The following ARL13B variants were observed in gnomAD, a reference collection of about 807,000 sequenced individuals.
ARL13B encodes ADP-ribosylation factor-like protein 13B.
ARL13B carries 36 observed loss-of-function variants against 56.1 expected under a neutral mutation model. The ratio of observed to expected loss-of-function variants is 0.64; its 90% CI spans 0.49 to 0.85. ARL13B has a LOEUF of 0.85. ARL13B is among the 40% of genes least tolerant of loss of function. The pLI is 0.00. For synonymous variants in ARL13B, 178 were observed against 171.1 expected, an observed-to-expected ratio of 1.04 and a Z score of -0.32; for missense variants, 519 against 507.1, an observed-to-expected ratio of 1.02 and a Z score of -0.23.
chr3:94,019,585 C>T (rs1211220973), intron 3 of ARL13B, among the ~76,000 whole-genome samples: 1 of 151,162 alleles, frequency 6.6e-6, no homozygotes, highest in African/African-American at 2.4e-5. Context: ...CCCCATCCTG[C>T]CCCCACCACA....
intron 3 of ARL13B, among the ~76,000 whole-genome samples, chr3:94,009,588 G>A (rs539687174): frequency 2.0e-5 from 3 of 151,936 alleles, no homozygotes; most frequent in Admixed American, 6.6e-5. Context: ...ATGGAATTAC[G>A]GTCTGCCTAT....
chr3:94,021,942 T>C (rs550466760), intron 3 of ARL13B, among the ~76,000 whole-genome samples: 114 of 152,260 alleles, frequency 7.5e-4, no homozygotes, highest in African/African-American at 2.7e-3. Context: ...TCAAGTCATG[T>C]CAAGGCTTCT....
intron 1 of ARL13B, among the ~76,000 whole-genome samples, chr3:93,989,685 A>G (rs1267246800): frequency 6.6e-6 from 1 of 151,648 alleles, no homozygotes; most frequent in African/African-American, 2.4e-5. Flanking sequence ...TTATTATCCT[A>G]TTTCATTCAT....
intron 4 of ARL13B, 40 bp downstream of exon 4, chr3:94,035,476 CTTTCAAA>C (rs2076752562): frequency 7.4e-7 from 1 of 1,359,422 alleles, no homozygotes; most frequent in Non-Finnish European, 1.0e-6. Context: ...ATTTTTTGTC[CTTTCAAA>C]TAGGTTCAGT....
chr3:94,046,996 A>ACATCC (rs533001241), intron 7 of ARL13B, among the ~76,000 whole-genome samples: 1 of 152,154 alleles, frequency 6.6e-6, no homozygotes, highest in East Asian at 1.9e-4. Flanking sequence ...ATATACGTTA[A>ACATCC]GTTATGTAAC....
Position 94,003,888 on chromosome 3 carries a change from A to T in ARL13B, c.360A>T (p.Ile120=). 6.2e-7 allele frequency: 1 copy of T among 1,613,364 alleles called. No individual in the cohort carries two copies. Among genetic ancestry groups the T allele is most frequent in the Non-Finnish European group, 8.5e-7 (1 of 1,179,554 alleles). ...CAGAAATGCTAAGACATCCTAGGAT[A>T]TCGGGAAAGCCTATATTGGTGTAAG... ...AMSEMLRHPR[I]SGKPILVLAN... The change falls in exon 3 of 10, where the codon ATA becomes ATT. Residue 120 remains isoleucine, a synonymous_variant. Coordinates refer to ENST00000394222, the MANE Select transcript of ARL13B (RefSeq NM_001174150.2).
intron 6 of ARL13B, among the ~76,000 whole-genome samples, chr3:94,041,421 G>A (rs539868772): frequency 8.3e-4 from 127 of 152,118 alleles, no homozygotes; most frequent in South Asian, 1.7e-3. Flanking sequence ...ACTTAAATAC[G>A]TTTTAAAAAG....
intron 6 of ARL13B, among the ~76,000 whole-genome samples, chr3:94,040,455 T>C (rs1214177572): frequency 6.6e-6 from 1 of 152,206 alleles, no homozygotes; most frequent in Non-Finnish European, 1.5e-5. Context: ...CTCCTATATC[T>C]GAATATCATT....
At chr3:94,022,475 G>T (rs12492553) in intron 3 of ARL13B, among the ~76,000 whole-genome samples, 51,877 of 151,810 alleles carry the variant, frequency 0.34, 10,895 homozygotes, top group East Asian at 0.55. Context: ...GGAAGATGTG[G>T]ATTTAATCTT....
chr3:93,992,782 T>C (rs1195674843), intron 1 of ARL13B, among the ~76,000 whole-genome samples: 1 of 152,046 alleles, frequency 6.6e-6, no homozygotes, highest in South Asian at 2.1e-4. Flanking sequence ...AAAATATTTA[T>C]TTTATCATTG....
chr3:94,006,378 A>G (rs2076135436), intron 3 of ARL13B, among the ~76,000 whole-genome samples: 1 of 152,100 alleles, frequency 6.6e-6, no homozygotes, highest in Non-Finnish European at 1.5e-5. Context: ...ACCAAGCCCC[A>G]TATTTGAAAG....
intron 3 of ARL13B, among the ~76,000 whole-genome samples, chr3:94,024,898 A>G (rs954050389): frequency 6.6e-6 from 1 of 152,194 alleles, no homozygotes; most frequent in African/African-American, 2.4e-5. Context: ...TCTTTTTTAA[A>G]AAAATTAGAA....
At chr3:94,040,338 A>G (rs2076840938) in intron 6 of ARL13B, among the ~76,000 whole-genome samples, 1 of 152,098 alleles carries the variant, frequency 6.6e-6, no homozygotes, top group Non-Finnish European at 1.5e-5. Flanking sequence ...GTGTTTCTGT[A>G]TTGCTGTTAC....
intron 6 of ARL13B, among the ~76,000 whole-genome samples, chr3:94,040,356 C>A (rs927384820): frequency 2.6e-5 from 4 of 152,064 alleles, no homozygotes; most frequent in African/African-American, 9.7e-5. Context: ...TACTGTCCAT[C>A]TGCAATATTT....
At chr3:94,000,241 T>A (rs181531281) in intron 2 of ARL13B, among the ~76,000 whole-genome samples, 1 of 152,202 alleles carries the variant, frequency 6.6e-6, no homozygotes, top group Non-Finnish European at 1.5e-5. Context: ...GTATTTATAC[T>A]GTGGAAATTG....
chr3:93,992,225 G>A (rs1411494524), intron 1 of ARL13B, among the ~76,000 whole-genome samples: 2 of 152,044 alleles, frequency 1.3e-5, no homozygotes, highest in Non-Finnish European at 2.9e-5. Context: ...GGAGAAAAAC[G>A]TGAGGTGCTC....
At chr3:93,981,537 C>G (rs1490081420) in intron 1 of ARL13B, among the ~76,000 whole-genome samples, 2 of 152,072 alleles carry the variant, frequency 1.3e-5, no homozygotes, top group Non-Finnish European at 2.9e-5. Context: ...CCATTATTAG[C>G]TCCTAACTGA....
At chr3:94,006,080 CACGAGGTCAGGAGG>C (rs1427483785) in intron 3 of ARL13B, among the ~76,000 whole-genome samples, 5 of 152,086 alleles carry the variant, frequency 3.3e-5, no homozygotes, top group Admixed American at 6.5e-5. Context: ...GAGGGCAGAT[CACGAGGTCAGGAGG>C]ATCGAGACCA....
intron 5 of ARL13B, among the ~76,000 whole-genome samples, chr3:94,037,561 G>T (rs1028339714): frequency 6.6e-6 from 1 of 152,142 alleles, no homozygotes; most frequent in African/African-American, 2.4e-5. Context: ...TTATATAAAA[G>T]ACAGATTAGA....
Sources: allele counts gnomAD v4.1 joint callset (sites outside exome capture counted in the v4.1 genomes callset), GRCh38; gene constraint gnomAD v4.1.1; transcripts MANE v1.5; gene names NCBI Gene and HGNC (gene_info 2026-07-23, HGNC 2026-07-21).